Variants in HTR7 observed in about 807,000 individuals in gnomAD.
The protein encoded by HTR7 is 5-HT-7.
Under a neutral mutation model 34.0 loss-of-function variants are expected in HTR7, and 16 were observed. The observed-to-expected ratio is 0.47, with a 90% CI of 0.32 to 0.71. The LOEUF (loss-of-function observed/expected upper bound fraction) is 0.71, where lower values mean the gene tolerates loss of function less well. HTR7 is among the 30% of genes least tolerant of loss of function. The pLI is 0.04. For synonymous variants in HTR7, 265 were observed against 260.2 expected (o/e 1.02, Z -0.18); for missense variants, 504 against 625.5 (o/e 0.81, Z 2.07).
At chr10:90,764,393 T>C (rs1408394630) in intron 1 of HTR7, among the ~76,000 whole-genome samples, 1 of 152,240 alleles carries the variant, frequency 6.6e-6, no homozygotes, top group Admixed American at 6.5e-5. Context: ...AAAAATTTTC[T>C]CCCATTCTGT....
chr10:90,824,030 A>T (rs1052120420), intron 1 of HTR7, among the ~76,000 whole-genome samples: 2 of 152,232 alleles, frequency 1.3e-5, no homozygotes, highest in Non-Finnish European at 2.9e-5. Context: ...TCTTTATAGC[A>T]GTGTGATCAC....
At chr10:90,779,059 G>T (rs1845266879) in intron 1 of HTR7, among the ~76,000 whole-genome samples, 1 of 152,190 alleles carries the variant, frequency 6.6e-6, no homozygotes, top group South Asian at 2.1e-4. Flanking sequence ...TGAAGGGAGA[G>T]AACTGCTGCC....
At chr10:90,845,351 C>A (rs1846398738) in intron 1 of HTR7, among the ~76,000 whole-genome samples, 1 of 152,148 alleles carries the variant, frequency 6.6e-6, no homozygotes, top group Admixed American at 6.5e-5. Flanking sequence ...TAACAATATC[C>A]TCCTCATATA....
intron 1 of HTR7, among the ~76,000 whole-genome samples, chr10:90,825,089 A>T (rs1448196728): frequency 6.6e-6 from 1 of 151,920 alleles, no homozygotes; most frequent in Non-Finnish European, 1.5e-5. Flanking sequence ...TACTTATATA[A>T]CCCCTTTCCC....
chr10:90,748,829 A>G lies in HTR7; in HGVS notation c.1295+10T>C. The G allele has an allele frequency of 6.3e-7, 1 of 1,598,210 alleles. No individual in the cohort carries two copies. The highest frequency in any genetic ancestry group is 8.5e-7 in the Non-Finnish European group (1 of 1,173,320). On this transcript the variant is annotated intron_variant, in intron 2 of 3. Transcript: ENST00000336152. Reference sequence around the variant, plus strand: ...GGGGATAAAAGGAAAATAGTGATAAATGACCTTACAGCACAAACTCAGGTC... The same window carrying G: ...GGGGATAAAAGGAAAATAGTGATAAGTGACCTTACAGCACAAACTCAGGTC...
chr10:90,803,161 A>G (rs1420279837), intron 1 of HTR7, among the ~76,000 whole-genome samples: 1 of 152,062 alleles, frequency 6.6e-6, no homozygotes, highest in Non-Finnish European at 1.5e-5. Context: ...GAGTAAGACT[A>G]AAAGTTTATT....
chr10:90,775,304 C>T (rs1364251551), intron 1 of HTR7, among the ~76,000 whole-genome samples: 2 of 152,092 alleles, frequency 1.3e-5, no homozygotes, highest in Non-Finnish European at 2.9e-5. Flanking sequence ...AGGCCGTGCT[C>T]GGTGCTGTGT....
In HTR7 at chr10:90,792,533, G is replaced by C. The variant is rs1415155753; in HGVS notation, c.540-42939C>G. ...CTGTACATTATATATATACACAAGA[G>C]AGCTTTTTTATAAGTTGTAAAGAGA... On this transcript the variant is annotated intron_variant, in intron 1 of 3. Transcript: ENST00000336152. Among the ~76,000 whole-genome samples, 4 of 152,078 alleles carry C rather than the reference G, an allele frequency of 2.6e-5. No individual in the cohort carries two copies. In the East Asian group the frequency reaches 5.8e-4, roughly 22 times the overall value.
chr10:90,772,290 G>A (rs1390736645), intron 1 of HTR7, among the ~76,000 whole-genome samples: 2 of 151,800 alleles, frequency 1.3e-5, no homozygotes, highest in Admixed American at 6.6e-5. Flanking sequence ...CTTTTAAAAT[G>A]GAATCATTAT....
At position 90,749,561 on chromosome 10, in the gene HTR7, A is replaced by G. The variant is rs1443429454; in HGVS notation, c.573T>C (p.Pro191=). 1.9e-6 allele frequency: 3 copies of G among 1,613,056 alleles called. No homozygotes were observed. The highest frequency in any genetic ancestry group is 1.1e-5 in the South Asian group (1 of 90,998). ...YLGITRPLTY[P]VRQNGKCMAK... The stretch of plus-strand genomic sequence containing the variant: ...CCATGCATTTCCCATTCTGCCTCAC[A>G]GGGTATGTGAGGGGCCTTGTGATCC... The change falls in exon 2 of 4, where the codon CCT becomes CCC. Residue 191 remains proline (P), a synonymous_variant. Coordinates refer to ENST00000336152, the MANE Select transcript of HTR7 (RefSeq NM_019859.4). The surrounding 1 kb of genome is among the most constrained non-coding windows in gnomAD (Gnocchi z 4.2).
chr10:90,853,660 T>C (rs12761105), intron 1 of HTR7, among the ~76,000 whole-genome samples: 31,370 of 151,940 alleles, frequency 0.21, 4,061 homozygotes, highest in African/African-American at 0.35. Context: ...AAGGGAACTT[T>C]CTTGGATGAC....
chr10:90,750,489 T>C (rs1844716574), intron 1 of HTR7, among the ~76,000 whole-genome samples: 1 of 152,220 alleles, frequency 6.6e-6, no homozygotes, highest in Non-Finnish European at 1.5e-5. Context: ...TTTTCAAACC[T>C]GTGTTTTCCT....
chr10:90,842,823 G>A (rs1174208263), intron 1 of HTR7, among the ~76,000 whole-genome samples: 2 of 151,992 alleles, frequency 1.3e-5, no homozygotes, highest in Non-Finnish European at 1.5e-5. Flanking sequence ...CTGGATCTAA[G>A]CTGCTAAGAC....
intron 1 of HTR7, among the ~76,000 whole-genome samples, chr10:90,777,283 C>T (rs1016507613): frequency 7.2e-5 from 11 of 151,958 alleles, no homozygotes; most frequent in African/African-American, 2.4e-4. Flanking sequence ...GGGTTTGAGA[C>T]CAGCCTGACC....
chr10:90,830,717 G>T (rs951905051), intron 1 of HTR7, among the ~76,000 whole-genome samples: 1 of 150,414 alleles, frequency 6.6e-6, no homozygotes. Context: ...AAGCCCGGGA[G>T]ATGGAGGCAG....
intron 1 of HTR7, among the ~76,000 whole-genome samples, chr10:90,840,892 T>A (rs926287157): frequency 6.6e-6 from 1 of 152,246 alleles, no homozygotes; most frequent in Non-Finnish European, 1.5e-5. Flanking sequence ...ATTTGGGACC[T>A]GAACTCAGGT....
chr10:90,786,955 T>A (rs1004487496), intron 1 of HTR7, among the ~76,000 whole-genome samples: 2 of 152,196 alleles, frequency 1.3e-5, no homozygotes, highest in Non-Finnish European at 2.9e-5. Flanking sequence ...CAGGAAGATC[T>A]TCTTAGGAAA....
At chr10:90,811,941 C>T (rs921353240) in intron 1 of HTR7, among the ~76,000 whole-genome samples, 7 of 152,166 alleles carry the variant, frequency 4.6e-5, no homozygotes, top group African/African-American at 1.7e-4. Context: ...TCAAATCAGC[C>T]AAGTAGTTTT....
In HTR7 at chr10:90,836,296, C is replaced by T. The variant is rs114736386; in HGVS notation, c.539+20837G>A. ...TTATTTATTGCTTTTAGGATGAAAA[C>T]GGAGAGTCAGAAAGAACATCAGCAA... On this transcript the variant is annotated intron_variant, in intron 1 of 3. Transcript: ENST00000336152. 4.6e-3 allele frequency among the ~76,000 whole-genome samples: 707 copies of T among 152,104 alleles called. 4 individuals are homozygous for T. The highest frequency in any genetic ancestry group is 0.015 in the African/African-American group (608 of 41,476).
Sources: allele counts gnomAD v4.1 joint callset (sites outside exome capture counted in the v4.1 genomes callset), GRCh38; gene constraint gnomAD v4.1.1; non-coding constraint Gnocchi (gnomAD v3.1); transcripts MANE v1.5; gene names NCBI Gene and HGNC (gene_info 2026-07-23, HGNC 2026-07-21).